Variants in MGAT4C observed in about 807,000 individuals in gnomAD.
MGAT4C encodes the protein alpha-1,3-mannosyl-glycoprotein 4-beta-N-acetylglucosaminyltransferase C.
MGAT4C carries 19 observed loss-of-function variants against 40.1 expected under a neutral mutation model. The observed-to-expected ratio is 0.47, with a 90% CI of 0.33 to 0.70. The LOEUF (loss-of-function observed/expected upper bound fraction) is 0.70, where lower values mean the gene tolerates loss of function less well. Ranked by LOEUF, MGAT4C falls within the 30% of genes least tolerant of loss-of-function variation. The pLI is 0.02. For synonymous variants in MGAT4C, 181 were observed against 187.1 expected (o/e 0.97, Z 0.27); for missense variants, 491 against 563.2 (o/e 0.87, Z 1.30).
intron 2 of MGAT4C, among the ~76,000 whole-genome samples, chr12:86,646,146 G>A (rs1963538144): frequency 6.6e-6 from 1 of 151,776 alleles, no homozygotes; most frequent in South Asian, 2.1e-4. Flanking sequence ...CTGTCAAAAT[G>A]ACAGCAAATT....
chr12:86,831,235 G>A (rs1015477617), intron 1 of MGAT4C, among the ~76,000 whole-genome samples: 5 of 151,414 alleles, frequency 3.3e-5, no homozygotes, highest in African/African-American at 4.9e-5. Context: ...AATGATAATC[G>A]AAAAGAAGAA....
chr12:86,566,807 C>G (rs1960147506), intron 2 of MGAT4C, among the ~76,000 whole-genome samples: 1 of 147,068 alleles, frequency 6.8e-6, no homozygotes, highest in South Asian at 2.1e-4. Flanking sequence ...TCTAGAGAAC[C>G]CTAACTAATA....
In MGAT4C at chr12:85,971,820, C is replaced by T. The variant is rs1195242341; in HGVS notation, c.*7469G>A. The T allele has an allele frequency of 6.6e-6, 1 of 151,054 alleles. No individual in the cohort carries two copies. Among genetic ancestry groups the T allele is most frequent in the African/African-American group, 2.4e-5 (1 of 41,302 alleles). 9.4% of individuals were successfully genotyped at this position (151,054 alleles called of 1,614,324 possible). A position where few individuals can be genotyped will look rare whatever the true frequency, so the allele number is the denominator to read the frequency against. On this transcript the variant is annotated 3_prime_UTR_variant, in exon 5 of 5. Coordinates refer to ENST00000611864, the MANE Select transcript of MGAT4C (RefSeq NM_001351288.2). ...TTTACCTCATGTTTGTAACATTTCC[C>T]CTGTTGTTATTTTTACACATCTGGA...
chr12:85,975,676 T>C lies in MGAT4C; in HGVS notation c.*3613A>G, dbSNP rs1592583286. 1 of 150,928 alleles carries C rather than the reference T, an allele frequency of 6.6e-6. No homozygotes were observed. Among genetic ancestry groups the C allele is most frequent in the East Asian group, 1.9e-4 (1 of 5,156 alleles). 9.3% of individuals were successfully genotyped at this position (150,928 alleles called of 1,614,324 possible). ...ATGACAGAAGCAAGATCTAGAAAGT[T>C]TGGGATCATGAATCAAAAGAAACAG... On this transcript the variant is annotated 3_prime_UTR_variant, in exon 5 of 5. Coordinates refer to ENST00000611864, the MANE Select transcript of MGAT4C (RefSeq NM_001351288.2).
At chr12:86,671,085 ATG>A (rs1275249201) in intron 2 of MGAT4C, among the ~76,000 whole-genome samples, 2 of 152,366 alleles carry the variant, frequency 1.3e-5, no homozygotes, top group African/African-American at 4.8e-5. Context: ...ATGCTAGAAA[ATG>A]TAGCATTGCT....
rs1361266461 is a variant in MGAT4C, at chr12:86,305,435, G to A, written c.-57+28630C>T. Among the ~76,000 whole-genome samples the A allele has an allele frequency of 1.3e-4, 13 of 103,500 alleles. 1 individual carries two copies. The highest frequency in any genetic ancestry group is 7.9e-4 in the South Asian group (2 of 2,536). The allele number at this position is 103,500 out of a possible 152,430, so 67.9% of individuals were successfully genotyped here. ...GCCTGGGCAACAAGAGCAAAACTCC[G>A]TCTCAAAGAAAAAAAAAAAAAAAGA... On this transcript the variant is annotated intron_variant, in intron 4 of 7. Transcript: ENST00000548651.
At chr12:86,585,882 T>C (rs184444924) in intron 2 of MGAT4C, among the ~76,000 whole-genome samples, 5 of 151,546 alleles carry the variant, frequency 3.3e-5, no homozygotes, top group Non-Finnish European at 7.4e-5. Flanking sequence ...TTTAAGCCCT[T>C]TCATGCAACA....
At chr12:86,020,366 T>C (rs535970123) in intron 2 of MGAT4C, among the ~76,000 whole-genome samples, 4 of 152,232 alleles carry the variant, frequency 2.6e-5, no homozygotes, top group South Asian at 2.1e-4. Context: ...CAAAACAGCA[T>C]GGTACTGGTA....
In MGAT4C at chr12:86,012,859, C is replaced by T. The variant is rs551898658; in HGVS notation, c.-6-23307G>A. ...GGGTGGTGGGCCTGGTGCAGTGGCT[C>T]GTGCTGATAATCCCAGCACTTTGGG... On this transcript the variant is annotated intron_variant, in intron 2 of 4. Coordinates refer to ENST00000611864, the MANE Select transcript of MGAT4C (RefSeq NM_001351288.2). Among the ~76,000 whole-genome samples the T allele has an allele frequency of 1.1e-4, 16 of 151,234 alleles. No individual in the cohort carries two copies. In the South Asian group the frequency reaches 2.7e-3, roughly 26 times the overall value.
At chr12:86,775,867 T>C (rs1198861207) in intron 1 of MGAT4C, among the ~76,000 whole-genome samples, 1 of 151,508 alleles carries the variant, frequency 6.6e-6, no homozygotes, top group Non-Finnish European at 1.5e-5. Context: ...ATATAATATA[T>C]TTGTAATTAC....
chr12:86,241,133 T>C (rs1951767378), intron 1 of MGAT4C, among the ~76,000 whole-genome samples: 1 of 152,182 alleles, frequency 6.6e-6, no homozygotes, highest in African/African-American at 2.4e-5. Flanking sequence ...ATAATATCCA[T>C]CTGTCCCTCA....
At chr12:86,640,609 C>G (rs1042470371) in intron 2 of MGAT4C, among the ~76,000 whole-genome samples, 1 of 151,856 alleles carries the variant, frequency 6.6e-6, no homozygotes, top group African/African-American at 2.4e-5. Flanking sequence ...TCCTTCAGTT[C>G]TACTCTGATT....
intron 3 of MGAT4C, among the ~76,000 whole-genome samples, chr12:86,393,673 G>C (rs370029969): frequency 6.6e-6 from 1 of 152,124 alleles, no homozygotes; most frequent in African/African-American, 2.4e-5. Context: ...TTATTCTCTT[G>C]GCAAAATATC....
chr12:86,337,586 CA>C (rs59069586), intron 3 of MGAT4C, among the ~76,000 whole-genome samples: 1,164 of 65,650 alleles, frequency 0.018, 6 homozygotes, highest in African/African-American at 0.035. Context: ...AATCTTGTCT[CA>C]AAAAAAAAAA....
At position 86,597,581 on chromosome 12, in the gene MGAT4C, T is replaced by A. The variant is rs796837077; in HGVS notation, c.-229+129628A>T. 7.2e-5 allele frequency among the ~76,000 whole-genome samples: 11 copies of A among 152,296 alleles called. 1 individual carries two copies. The highest frequency in any genetic ancestry group is 2.4e-4 in the African/African-American group (10 of 41,550). ...AGATAATAATTTGAACATTACATAATGTTAAGTTTTTCCTTTCTGATGTTC... is the reference window on the plus strand; with the variant it reads ...AGATAATAATTTGAACATTACATAAAGTTAAGTTTTTCCTTTCTGATGTTC... On this transcript the variant is annotated intron_variant, in intron 2 of 7. Coordinates refer to the MGAT4C transcript ENST00000548651.
At chr12:86,700,154 C>T (rs748328365) in intron 2 of MGAT4C, among the ~76,000 whole-genome samples, 740 of 31,872 alleles carry the variant, frequency 0.023, 4 homozygotes, top group Non-Finnish European at 0.047. Flanking sequence ...GACAGACAGA[C>T]AGACAGACAG....
intron 1 of MGAT4C, among the ~76,000 whole-genome samples, chr12:86,768,104 A>G (rs1951550750): frequency 1.3e-5 from 2 of 152,300 alleles, no homozygotes; most frequent in African/African-American, 4.8e-5. Flanking sequence ...ACATGATTGT[A>G]TATCTAGAAA....
chr12:86,388,395 G>T (rs918591420), intron 3 of MGAT4C, among the ~76,000 whole-genome samples: 1 of 151,954 alleles, frequency 6.6e-6, no homozygotes, highest in African/African-American at 2.4e-5. Context: ...TTTTTTTAAG[G>T]TTGGAATGAG....
intron 2 of MGAT4C, among the ~76,000 whole-genome samples, chr12:86,663,248 CACTT>C (rs1342206849): frequency 6.8e-6 from 1 of 148,128 alleles, no homozygotes; most frequent in African/African-American, 2.5e-5. Context: ...TAGTCCCAGA[CACTT>C]AGGAGGGTGA....
Sources: allele counts gnomAD v4.1 joint callset (sites outside exome capture counted in the v4.1 genomes callset), GRCh38; gene constraint gnomAD v4.1.1; transcripts MANE v1.5; gene names NCBI Gene and HGNC (gene_info 2026-07-23, HGNC 2026-07-21).